The following HCN1 variants were observed in gnomAD, a reference collection of about 807,000 sequenced individuals.
The protein encoded by HCN1 is hyperpolarization activated cyclic nucleotide gated potassium channel 1.
HCN1 carries 13 observed loss-of-function variants against 78.9 expected under a neutral mutation model. The ratio of observed to expected loss-of-function variants is 0.16; its 90% CI spans 0.11 to 0.26. The LOEUF is 0.26. Ranked by LOEUF, HCN1 falls within the 10% of genes least tolerant of loss-of-function variation. The probability of loss-of-function intolerance (pLI) is 1.00; values close to 1 mark genes in which losing one functional copy is unlikely to be tolerated. For synonymous variants in HCN1, 552 were observed against 455.5 expected, an observed-to-expected ratio of 1.21 and a Z score of -2.70; for missense variants, 810 against 1,154.3, an observed-to-expected ratio of 0.70 and a Z score of 4.32.
intron 3 of HCN1, among the ~76,000 whole-genome samples, chr5:45,449,880 C>T (rs1414791401): frequency 6.6e-6 from 1 of 152,172 alleles, no homozygotes; most frequent in African/African-American, 2.4e-5. Context: ...CTCTGTCCCC[C>T]AGGCTGGAGT....
chr5:45,642,695 T>C (rs1355634729), intron 2 of HCN1: 3 of 152,138 alleles, frequency 2.0e-5, no homozygotes, highest in African/African-American at 7.2e-5. Context: ...CTTTTTCTGA[T>C]TTATTTGTTG....
chr5:45,418,979 T>C (rs1375987872), intron 3 of HCN1, among the ~76,000 whole-genome samples: 2 of 152,176 alleles, frequency 1.3e-5, no homozygotes, highest in Non-Finnish European at 2.9e-5. Context: ...TTTATAGTGA[T>C]GCATTTCAAT....
intron 4 of HCN1, among the ~76,000 whole-genome samples, chr5:45,370,492 C>T (rs772844665): frequency 6.6e-6 from 1 of 151,988 alleles, no homozygotes; most frequent in Non-Finnish European, 1.5e-5. Flanking sequence ...TTCTGAACTT[C>T]AACATCAGAG....
At chr5:45,658,080 G>A (rs1231032521) in intron 1 of HCN1, among the ~76,000 whole-genome samples, 9 of 152,042 alleles carry the variant, frequency 5.9e-5, no homozygotes, top group African/African-American at 1.9e-4. Context: ...CAGAAATAAC[G>A]CCGCATATCT....
At chr5:45,348,646 A>G (rs1022363313) in intron 5 of HCN1, among the ~76,000 whole-genome samples, 7 of 152,160 alleles carry the variant, frequency 4.6e-5, no homozygotes, top group South Asian at 4.1e-4. Flanking sequence ...GACACACATA[A>G]CATAGGCTCA....
intron 2 of HCN1, among the ~76,000 whole-genome samples, chr5:45,608,779 C>T (rs1744776182): frequency 6.6e-6 from 1 of 151,724 alleles, no homozygotes; most frequent in African/African-American, 2.4e-5. Flanking sequence ...AAACTGACTA[C>T]TATCAAATTA....
At chr5:45,367,273 T>C (rs1447272102) in intron 4 of HCN1, among the ~76,000 whole-genome samples, 1 of 151,782 alleles carries the variant, frequency 6.6e-6, no homozygotes, top group Non-Finnish European at 1.5e-5. Flanking sequence ...TTTGTATACA[T>C]ACATGTCATA....
At chr5:45,320,528 G>A (rs557718995) in intron 5 of HCN1, among the ~76,000 whole-genome samples, 6 of 151,682 alleles carry the variant, frequency 4.0e-5, no homozygotes, top group Non-Finnish European at 8.8e-5. Context: ...TAGTATTACT[G>A]CCCCATTTTG....
intron 5 of HCN1, among the ~76,000 whole-genome samples, chr5:45,318,165 C>G (rs1195066541): frequency 6.6e-6 from 1 of 152,128 alleles, no homozygotes; most frequent in African/African-American, 2.4e-5. Context: ...GGAAACAACC[C>G]AAACGTCCAT....
intron 6 of HCN1, among the ~76,000 whole-genome samples, chr5:45,292,033 T>A (rs914877054): frequency 6.6e-6 from 1 of 151,990 alleles, no homozygotes; most frequent in Non-Finnish European, 1.5e-5. Flanking sequence ...TTTAGAATAC[T>A]ATGTGGAATA....
At chr5:45,675,678 T>C (rs1272309714) in intron 1 of HCN1, among the ~76,000 whole-genome samples, 1 of 151,828 alleles carries the variant, frequency 6.6e-6, no homozygotes, top group Non-Finnish European at 1.5e-5. Context: ...AAAGCTAATA[T>C]GATTTCAAGG....
chr5:45,442,388 G>C (rs1316157127), intron 3 of HCN1, among the ~76,000 whole-genome samples: 1 of 152,038 alleles, frequency 6.6e-6, no homozygotes, highest in African/African-American at 2.4e-5. Context: ...AATTATGTTT[G>C]ATTAATTTCA....
At chr5:45,539,062 C>G (rs1579956769) in intron 2 of HCN1, among the ~76,000 whole-genome samples, 1 of 152,268 alleles carries the variant, frequency 6.6e-6, no homozygotes, top group East Asian at 1.9e-4. Context: ...AGCGTAGGTT[C>G]AATACTTTCT....
chr5:45,304,192 T>C (rs181115376), intron 5 of HCN1, among the ~76,000 whole-genome samples: 110 of 152,238 alleles, frequency 7.2e-4, no homozygotes, highest in African/African-American at 2.1e-3. Flanking sequence ...CTTTTATCTT[T>C]TATTTACGAA....
At chr5:45,619,877 A>T (rs1430523723) in intron 2 of HCN1, among the ~76,000 whole-genome samples, 45 of 152,194 alleles carry the variant, frequency 3.0e-4, no homozygotes, top group Non-Finnish European at 2.9e-5. Context: ...TTGAGTATAA[A>T]CTGTACTTAG....
chr5:45,446,561 G>C (rs1470019076), intron 3 of HCN1, among the ~76,000 whole-genome samples: 1 of 152,210 alleles, frequency 6.6e-6, no homozygotes, highest in East Asian at 1.9e-4. Context: ...TCCTCGAGAA[G>C]AGCAACTCTA....
chr5:45,472,024 G>A (rs981458538), intron 2 of HCN1, among the ~76,000 whole-genome samples: 2 of 151,710 alleles, frequency 1.3e-5, no homozygotes, highest in African/African-American at 2.4e-5. Flanking sequence ...AAATCTTTAC[G>A]AAGCCCATAT....
intron 2 of HCN1, among the ~76,000 whole-genome samples, chr5:45,581,913 C>T (rs11960245): frequency 1.3e-5 from 2 of 152,050 alleles, no homozygotes; most frequent in African/African-American, 4.8e-5. Flanking sequence ...ATGCTGTTTT[C>T]GTTACTGTAG....
intron 4 of HCN1, among the ~76,000 whole-genome samples, chr5:45,372,873 C>A (rs1050742437): frequency 7.1e-6 from 1 of 141,036 alleles, no homozygotes; most frequent in African/African-American, 2.6e-5. Flanking sequence ...AAAATATGTA[C>A]GTATTCTATA....
Sources: allele counts gnomAD v4.1 joint callset (sites outside exome capture counted in the v4.1 genomes callset), GRCh38; gene constraint gnomAD v4.1.1; transcripts MANE v1.5; gene names NCBI Gene and HGNC (gene_info 2026-07-23, HGNC 2026-07-21).